Variants in ADCY8 observed in about 807,000 individuals in gnomAD.
ADCY8 encodes the protein adenylate cyclase type 8.
Under a neutral mutation model 119.7 loss-of-function variants are expected in ADCY8, and 51 were observed. The ratio of observed to expected loss-of-function variants is 0.43; its 90% CI spans 0.34 to 0.54. ADCY8 has a LOEUF of 0.54. Ranked by LOEUF, ADCY8 falls within the 20% of genes least tolerant of loss-of-function variation. ADCY8 has a pLI of 0.03. For synonymous variants in ADCY8, 665 were observed against 651.0 expected (o/e 1.02, Z -0.33); for missense variants, 1,383 against 1,598.8 (o/e 0.87, Z 2.30).
chr8:130,941,566 A>G (rs575835868), intron 4 of ADCY8, among the ~76,000 whole-genome samples: 416 of 152,300 alleles, frequency 2.7e-3, no homozygotes, highest in Non-Finnish European at 4.4e-3. Flanking sequence ...CAATAAAAGG[A>G]AATGGTATAC....
At chr8:131,039,268 G>T (rs1016532639) in intron 1 of ADCY8, 106 bp downstream of exon 1, 2 of 1,473,810 alleles carry the variant, frequency 1.4e-6, no homozygotes, top group Middle Eastern at 1.9e-4. Flanking sequence ...CCAGACTGAA[G>T]GCGGAGACTT....
Position 131,003,200 on chromosome 8 carries a change from A to G in ADCY8, c.961-12658T>C, listed in dbSNP as rs1364114254. ...CTCCAGCCTGGGCAACAAGAGTGAA[A>G]CACCATCACACACACACACACACAC... On this transcript the variant is annotated intron_variant, in intron 1 of 17. Coordinates refer to ENST00000286355, the MANE Select transcript of ADCY8 (RefSeq NM_001115.3). Among the ~76,000 whole-genome samples, 3 of 133,022 alleles carry G rather than the reference A, an allele frequency of 2.3e-5. No individual in the cohort carries two copies. The Admixed American group carries it at 2.3e-4, about 10-fold the overall frequency. 87.3% of individuals were successfully genotyped at this position (133,022 alleles called of 152,430 possible). A position where few individuals can be genotyped will look rare whatever the true frequency, so the allele number is the denominator to read the frequency against.
At chr8:130,879,958 G>C (rs1038833603) in intron 8 of ADCY8, among the ~76,000 whole-genome samples, 3 of 152,122 alleles carry the variant, frequency 2.0e-5, no homozygotes, top group African/African-American at 7.2e-5. Context: ...GAATCATGGG[G>C]GTGGGTCTTT....
At chr8:130,976,380 A>G (rs1295125415) in intron 2 of ADCY8, among the ~76,000 whole-genome samples, 1 of 152,186 alleles carries the variant, frequency 6.6e-6, no homozygotes, top group Admixed American at 6.5e-5. Context: ...GAAGATGCTA[A>G]CACCTTGGAT....
Position 130,800,408 on chromosome 8 carries a change from T to G in ADCY8, c.3060+18A>C. 6.2e-7 allele frequency: 1 copy of G among 1,613,964 alleles called. No individual in the cohort carries two copies. Among genetic ancestry groups the G allele is most frequent in the Non-Finnish European group, 8.5e-7 (1 of 1,179,920 alleles). ...CGATGCCCATTTGTGATTGTAAATG[T>G]CTCAGGCTTAGATTTACCTCATCGA... On this transcript the variant is annotated intron_variant, in intron 15 of 17. Coordinates refer to ENST00000286355, the MANE Select transcript of ADCY8 (RefSeq NM_001115.3).
intron 12 of ADCY8, among the ~76,000 whole-genome samples, chr8:130,827,851 A>G (rs1397302540): frequency 6.6e-6 from 1 of 152,228 alleles, no homozygotes; most frequent in African/African-American, 2.4e-5. Context: ...ACTAAATAAA[A>G]TCAAATCAAT....
At chr8:131,035,236 G>A (rs79551170) in intron 1 of ADCY8, among the ~76,000 whole-genome samples, 3,272 of 152,186 alleles carry the variant, frequency 0.021, 138 homozygotes, top group African/African-American at 0.073. Context: ...AGAAAGAAAC[G>A]ATTGTAGCCC....
At chr8:131,038,466 A>G (rs1177967252) in intron 1 of ADCY8, among the ~76,000 whole-genome samples, 3 of 152,164 alleles carry the variant, frequency 2.0e-5, no homozygotes, top group Non-Finnish European at 2.9e-5. Context: ...CCATGCCATT[A>G]ATTAGCTATT....
At chr8:130,865,026 T>C (rs542647801) in intron 9 of ADCY8, among the ~76,000 whole-genome samples, 1 of 152,266 alleles carries the variant, frequency 6.6e-6, no homozygotes, top group South Asian at 2.1e-4. Context: ...TTTGCTATAG[T>C]TGTATGTTCC....
At position 130,875,801 on chromosome 8, in the gene ADCY8, A is replaced by G. The variant is rs555142333; in HGVS notation, c.2110-7855T>C. Among the ~76,000 whole-genome samples the G allele has an allele frequency of 4.0e-3, 608 of 152,352 alleles. 4 individuals are homozygous for G. The highest frequency in any genetic ancestry group is 0.01 in the Middle Eastern group (3 of 294). ...AAAAAAACTGAGAGACATTCTGGACATAGCTAAGAACCAATTGTACTGAGC... is the reference window on the plus strand; with the variant it reads ...AAAAAAACTGAGAGACATTCTGGACGTAGCTAAGAACCAATTGTACTGAGC... On this transcript the variant is annotated intron_variant, in intron 8 of 17. Coordinates refer to ENST00000286355, the MANE Select transcript of ADCY8 (RefSeq NM_001115.3).
intron 12 of ADCY8, among the ~76,000 whole-genome samples, chr8:130,831,748 T>C (rs1816841199): frequency 6.6e-6 from 1 of 152,118 alleles, no homozygotes; most frequent in Non-Finnish European, 1.5e-5. Context: ...AGAATATGAG[T>C]TCACCACATG....
chr8:130,867,829 A>C lies in ADCY8; in HGVS notation c.2210+17T>G. 6.5e-7 allele frequency: 1 copy of C among 1,548,252 alleles called. No homozygotes were observed. Among genetic ancestry groups the C allele is most frequent in the Non-Finnish European group, 8.9e-7 (1 of 1,124,794 alleles). Reference sequence around the variant, plus strand: ...ACAAAGATATTTCACCAGATCAATTAGTTCTTTTACATTTACCTTGAAGAA... The same window carrying C: ...ACAAAGATATTTCACCAGATCAATTCGTTCTTTTACATTTACCTTGAAGAA... On this transcript the variant is annotated intron_variant, in intron 9 of 17. Transcript: ENST00000286355.
intron 1 of ADCY8, among the ~76,000 whole-genome samples, chr8:131,027,471 T>C (rs1454472921): frequency 2.0e-5 from 3 of 151,992 alleles, no homozygotes; most frequent in African/African-American, 7.3e-5. Context: ...CTGGGGAGTG[T>C]TGGGGTGGTT....
intron 13 of ADCY8, among the ~76,000 whole-genome samples, chr8:130,819,131 A>G (rs1422739661): frequency 6.6e-6 from 1 of 152,214 alleles, no homozygotes; most frequent in Non-Finnish European, 1.5e-5. Flanking sequence ...GAGGAAACTG[A>G]AAATCAGAAA....
intron 1 of ADCY8, among the ~76,000 whole-genome samples, chr8:131,006,993 G>C (rs1429271499): frequency 6.6e-6 from 1 of 152,090 alleles, no homozygotes; most frequent in African/African-American, 2.4e-5. Flanking sequence ...AGAGGAAAAA[G>C]ATATCATGTC....
At position 130,961,299 on chromosome 8, in the gene ADCY8, G is replaced by A. The variant is rs183752757; in HGVS notation, c.1111-9301C>T. On this transcript the variant is annotated intron_variant, in intron 2 of 17. Transcript: ENST00000286355. The stretch of plus-strand genomic sequence containing the variant: ...AATTTTTTGTATTTTTAGTAGAGAC[G>A]GGGTTTCATCATGCTGGCCAGGCTA... 4.0e-3 allele frequency among the ~76,000 whole-genome samples: 601 copies of A among 152,014 alleles called. 3 individuals are homozygous for A. Among genetic ancestry groups the A allele is most frequent in the African/African-American group, 0.014 (581 of 41,484 alleles).
intron 2 of ADCY8, among the ~76,000 whole-genome samples, chr8:130,988,766 A>G (rs1822482240): frequency 6.6e-6 from 1 of 152,244 alleles, no homozygotes; most frequent in Non-Finnish European, 1.5e-5. Flanking sequence ...TTATTAGATC[A>G]CAGTGATTCC....
At chr8:130,894,267 T>G (rs1262953923) in intron 7 of ADCY8, among the ~76,000 whole-genome samples, 1 of 152,164 alleles carries the variant, frequency 6.6e-6, no homozygotes, top group Non-Finnish European at 1.5e-5. Flanking sequence ...GCTACCTCTT[T>G]GGGGTTGTGC....
chr8:130,859,218 T>A (rs758289949), intron 9 of ADCY8, among the ~76,000 whole-genome samples: 5 of 152,228 alleles, frequency 3.3e-5, no homozygotes, highest in Non-Finnish European at 7.3e-5. Flanking sequence ...TATTCCTACA[T>A]GTAACCATCT....
Sources: gnomAD v4.1 joint callset for allele counts (sites outside exome capture counted in the v4.1 genomes callset) on GRCh38, gnomAD v4.1.1 for gene constraint, MANE v1.5 for transcripts, NCBI Gene and HGNC (gene_info 2026-07-23, HGNC 2026-07-21) for gene names.